Variants in PPP2CA observed in about 807,000 individuals in gnomAD.
PPP2CA encodes serine/threonine-protein phosphatase 2A catalytic subunit alpha isoform.
Under a neutral mutation model 38.8 loss-of-function variants are expected in PPP2CA, and 5 were observed. The ratio of observed to expected loss-of-function variants is 0.13; its 90% confidence interval spans 0.07 to 0.27. The LOEUF (loss-of-function observed/expected upper bound fraction) is 0.27. Ranked by LOEUF, PPP2CA falls within the 10% of genes least tolerant of loss-of-function variation. PPP2CA has a pLI of 1.00. For missense variants in PPP2CA, 88 were observed against 389.7 expected (o/e 0.23, Z 6.52); for synonymous variants, 152 against 134.0 (o/e 1.13, Z -0.93).
At chr5:134,223,859 T>C (rs891900681) in intron 1 of PPP2CA, among the ~76,000 whole-genome samples, 1 of 152,242 alleles carries the variant, frequency 6.6e-6, no homozygotes, top group Non-Finnish European at 1.5e-5. Flanking sequence ...GTATGCAATC[T>C]TAGATATTCA....
intron 1 of PPP2CA, 81 bp from the exon 2 acceptor site, chr5:134,206,212 T>A: frequency 8.2e-7 from 1 of 1,213,460 alleles, no homozygotes; most frequent in Non-Finnish European, 1.2e-6. Context: ...ACACTTAATG[T>A]AGCTTAAGGG....
intron 1 of PPP2CA, 34 bp downstream of exon 1, chr5:134,225,726 C>G (rs758327358): frequency 1.3e-6 from 2 of 1,579,420 alleles, no homozygotes; most frequent in Admixed American, 3.4e-5. Context: ...GGCTCGGCCC[C>G]GCGGCGGCTG....
intron 1 of PPP2CA, among the ~76,000 whole-genome samples, chr5:134,209,922 T>C (rs1762169604): frequency 6.6e-6 from 1 of 151,702 alleles, no homozygotes. Context: ...GAAAATAAAA[T>C]AAAAAATTAG....
At chr5:134,212,420 C>G (rs1017861481) in intron 1 of PPP2CA, among the ~76,000 whole-genome samples, 1 of 152,152 alleles carries the variant, frequency 6.6e-6, no homozygotes, top group Non-Finnish European at 1.5e-5. Context: ...GCACTACCAA[C>G]CGTGCCCATA....
At chr5:134,200,215 A>G (rs1761943628) in intron 5 of PPP2CA, 120 bp downstream of exon 5, 1 of 1,145,850 alleles carries the variant, frequency 8.7e-7, no homozygotes. Context: ...CTATAATGAT[A>G]AACTCATCAG....
Position 134,197,681 on chromosome 5 carries a change from T to C in PPP2CA, c.*91A>G, listed in dbSNP as rs1761883276. On this transcript the variant is annotated 3_prime_UTR_variant, in exon 7 of 7. Coordinates refer to ENST00000481195, the MANE Select transcript of PPP2CA (RefSeq NM_002715.4). ...AAACAAGTTTTTTGAATGTTAACTA[T>C]TTTCTGACACTTTGGAGTTACTGTT... The C allele has an allele frequency of 9.4e-7, 1 of 1,058,612 alleles. No individual in the cohort carries two copies. The highest frequency in any genetic ancestry group is 1.4e-6 in the Non-Finnish European group (1 of 697,062). 65.6% of individuals were successfully genotyped at this position (1,058,612 alleles called of 1,614,324 possible).
chr5:134,207,330 G>A (rs994763261), intron 1 of PPP2CA, among the ~76,000 whole-genome samples: 6 of 152,166 alleles, frequency 3.9e-5, no homozygotes, highest in Admixed American at 2.0e-4. Flanking sequence ...GCTTAAACTT[G>A]GGAGGTGGAG....
intron 1 of PPP2CA, among the ~76,000 whole-genome samples, chr5:134,223,582 G>A (rs1371219678): frequency 3.3e-5 from 5 of 152,182 alleles, no homozygotes; most frequent in East Asian, 1.9e-4. Context: ...TAAAATTTGC[G>A]TAAGCAGCGC....
At chr5:134,224,367 A>G (rs1312094289) in intron 1 of PPP2CA, 1 of 432,960 alleles carries the variant, frequency 2.3e-6, no homozygotes. Context: ...AGTTTTGTTC[A>G]GGCTTGGGAG....
At position 134,207,404 on chromosome 5, in the gene PPP2CA, C is replaced by CAAAACA. The variant is rs554301109; in HGVS notation, c.103-1279_103-1274dup. On this transcript the variant is annotated intron_variant, in intron 1 of 6. Transcript: ENST00000481195. ...TGGGTGACAGACCAAGACTCTGTCT[C>CAAAACA]AAAACAAAAACAAAAACACCAATGC... Among the ~76,000 whole-genome samples, 1,049 of 152,194 alleles carry CAAAACA rather than the reference C, an allele frequency of 6.9e-3. 37 individuals are homozygous for CAAAACA. Among genetic ancestry groups the CAAAACA allele is most frequent in the Admixed American group, 0.063 (966 of 15,272 alleles).
At chr5:134,201,207 T>A (rs1369881030) in intron 3 of PPP2CA, 133 bp from the exon 4 acceptor site, 5 of 657,756 alleles carry the variant, frequency 7.6e-6, no homozygotes, top group Non-Finnish European at 1.1e-5. Flanking sequence ...AGGCCAGGAG[T>A]TTGAGACCAA....
chr5:134,196,215 A>G lies in PPP2CA; in HGVS notation c.*1557T>C, dbSNP rs1190392015. Reference sequence around the variant, plus strand: ...TGTATGTGTTCCTCAAGCATTTTAGAAAGGGGATATGCTATAACTTCCCTG... The same window carrying G: ...TGTATGTGTTCCTCAAGCATTTTAGGAAGGGGATATGCTATAACTTCCCTG... On this transcript the variant is annotated 3_prime_UTR_variant, in exon 7 of 7. Transcript: ENST00000481195. 6.6e-6 allele frequency: 1 copy of G among 152,222 alleles called. No individual in the cohort carries two copies. The highest frequency in any genetic ancestry group is 1.5e-5 in the Non-Finnish European group (1 of 68,036). The allele number at this position is 152,222 out of a possible 1,614,324, so 9.4% of individuals were successfully genotyped here.
chr5:134,211,160 G>A lies in PPP2CA; in HGVS notation c.103-5029C>T, dbSNP rs147045647. Among the ~76,000 whole-genome samples, 600 of 151,620 alleles carry A rather than the reference G, an allele frequency of 4.0e-3. 1 individual carries two copies. Among genetic ancestry groups the A allele is most frequent in the African/African-American group, 0.014 (580 of 41,276 alleles). ...CCAGGCTGCAGTGCGGCACCATCACGGCTCACTGCAGCCTTGATCTCCCAA... is the reference window on the plus strand; with the variant it reads ...CCAGGCTGCAGTGCGGCACCATCACAGCTCACTGCAGCCTTGATCTCCCAA... On this transcript the variant is annotated intron_variant, in intron 1 of 6. Coordinates refer to ENST00000481195, the MANE Select transcript of PPP2CA (RefSeq NM_002715.4).
chr5:134,200,584 C>A, intron 4 of PPP2CA, 88 bp from the exon 5 acceptor site: 1 of 1,423,544 alleles, frequency 7.0e-7, no homozygotes. Context: ...GCACCCTAAG[C>A]CACCCTTTTT....
intron 1 of PPP2CA, among the ~76,000 whole-genome samples, chr5:134,218,602 A>G (rs543376301): frequency 6.6e-6 from 1 of 152,106 alleles, no homozygotes. Flanking sequence ...ACAAGATTCA[A>G]CCACTCTGGG....
intron 2 of PPP2CA, among the ~76,000 whole-genome samples, chr5:134,204,695 T>TTCTTAAACTCCTG (rs1192174211): frequency 6.6e-6 from 1 of 152,112 alleles, no homozygotes; most frequent in African/African-American, 2.4e-5. Flanking sequence ...TGGACTCAAG[T>TTCTTAAACTCCTG]GATCCTTCCC....
intron 1 of PPP2CA, among the ~76,000 whole-genome samples, chr5:134,218,948 C>T (rs745985848): frequency 6.6e-6 from 1 of 152,118 alleles, no homozygotes; most frequent in Non-Finnish European, 1.5e-5. Context: ...GGATTCCAGG[C>T]GTGAGCCACT....
chr5:134,203,737 C>T (rs1442950265), intron 2 of PPP2CA, among the ~76,000 whole-genome samples: 1 of 152,076 alleles, frequency 6.6e-6, no homozygotes, highest in African/African-American at 2.4e-5. Context: ...GTTTTTTTCC[C>T]CCCAGATAGG....
At chr5:134,221,131 G>A (rs2149388712) in intron 1 of PPP2CA, among the ~76,000 whole-genome samples, 1 of 152,160 alleles carries the variant, frequency 6.6e-6, no homozygotes, top group South Asian at 2.1e-4. Flanking sequence ...GGGCCGGGGG[G>A]AATGGGGTCT....
Sources: allele counts gnomAD v4.1 joint callset (sites outside exome capture counted in the v4.1 genomes callset), GRCh38; gene constraint gnomAD v4.1.1; transcripts MANE v1.5; gene names NCBI Gene and HGNC (gene_info 2026-07-23, HGNC 2026-07-21).